Variants in TMPRSS7 observed in about 807,000 individuals in gnomAD.
TMPRSS7 encodes the protein transmembrane protease serine 7.
TMPRSS7 carries 81 observed loss-of-function variants against 95.6 expected under a neutral mutation model. The ratio of observed to expected loss-of-function variants is 0.85; its 90% CI spans 0.71 to 1.02. TMPRSS7 has a LOEUF of 1.02. Ranked by LOEUF, TMPRSS7 falls within the 50% of genes least tolerant of loss-of-function variation. TMPRSS7 has a pLI of 0.00. For missense variants in TMPRSS7, 945 were observed against 955.2 expected, an observed-to-expected ratio of 0.99 and a Z score of 0.14; for synonymous variants, 364 against 337.8, an observed-to-expected ratio of 1.08 and a Z score of -0.85.
chr3:112,036,013 C>T (rs757095192), intron 1 of TMPRSS7, among the ~76,000 whole-genome samples: 1 of 152,136 alleles, frequency 6.6e-6, no homozygotes, highest in African/African-American at 2.4e-5. Context: ...AACCCACAAC[C>T]CTACAACCGT....
In TMPRSS7 at chr3:112,038,206, G is replaced by A. The variant is rs990663700; in HGVS notation, c.183G>A (p.Lys61=). Residue 61 remains lysine, a synonymous_variant, in exon 2 of 18, where the codon AAG becomes AAA. Coordinates refer to ENST00000452346, the Ensembl canonical transcript of TMPRSS7. ...GACCCATTGGCAAAGCCAAACCCAAGAAGCAATCCAAGAAAAAAGTTCCCT... is the reference window on the plus strand; with the variant it reads ...GACCCATTGGCAAAGCCAAACCCAAAAAGCAATCCAAGAAAAAAGTTCCCT... 4.3e-6 allele frequency: 3 copies of A among 702,862 alleles called. No homozygotes were observed. The African/African-American group carries it at 5.2e-5, about 12-fold the overall frequency. 43.5% of individuals were successfully genotyped at this position (702,862 alleles called of 1,614,324 possible). A position where few individuals can be genotyped will look rare whatever the true frequency, so the allele number is the denominator to read the frequency against.
chr3:112,077,826 G>A (rs138712739), intron 16 of TMPRSS7, among the ~76,000 whole-genome samples: 1 of 152,292 alleles, frequency 6.6e-6, no homozygotes, highest in African/African-American at 2.4e-5. Context: ...GATTCAAGGT[G>A]GGATTCTGAA....
At chr3:112,061,034 C>T (rs999729374) in intron 10 of TMPRSS7, among the ~76,000 whole-genome samples, 5 of 152,150 alleles carry the variant, frequency 3.3e-5, no homozygotes, top group Admixed American at 2.0e-4. Context: ...TACCCCCAAG[C>T]CTTGTGTCTG....
At chr3:112,071,215 G>A (rs1390953319) in intron 13 of TMPRSS7, among the ~76,000 whole-genome samples, 3 of 152,164 alleles carry the variant, frequency 2.0e-5, no homozygotes, top group Non-Finnish European at 2.9e-5. Flanking sequence ...AGCTTAGTTT[G>A]GCTGGATATG....
intron 2 of TMPRSS7, 69 bp downstream of exon 2, chr3:112,038,390 C>G (rs2073171635): frequency 1.5e-6 from 1 of 649,502 alleles, no homozygotes; most frequent in Non-Finnish European, 2.8e-6. Context: ...GCAATGCAGC[C>G]CTAATCTGCC....
In TMPRSS7 at chr3:112,051,994, G is replaced by A. The variant is rs996904851; in HGVS notation, c.1203+1211G>A. Among the ~76,000 whole-genome samples, 10 of 152,138 alleles carry A rather than the reference G, an allele frequency of 6.6e-5. No individual in the cohort carries two copies. The East Asian group carries it at 7.7e-4, about 12-fold the overall frequency. ...ACGATTCCAGATACTGGGGATCCACGAAATCAGACACAAACACAGAGCAGC... is the reference window on the plus strand; with the variant it reads ...ACGATTCCAGATACTGGGGATCCACAAAATCAGACACAAACACAGAGCAGC... On this transcript the variant is annotated intron_variant, in intron 9 of 17. Transcript: ENST00000452346.
chr3:112,073,644 T>C (rs1044006774), intron 13 of TMPRSS7, among the ~76,000 whole-genome samples: 1 of 152,222 alleles, frequency 6.6e-6, no homozygotes, highest in Non-Finnish European at 1.5e-5. Context: ...GATTAGCCCT[T>C]TGTCAGATGT....
Position 112,047,658 on chromosome 3 carries a change from C to A in TMPRSS7, c.731-81C>A. ...TTCACATGACCTCTTTTGCCCTTTA[C>A]TTTTCTATAAAGATTTCTGTTTTTA... is the stretch of plus-strand genomic sequence containing the variant. On this transcript the variant is annotated intron_variant, in intron 6 of 17. Coordinates refer to ENST00000452346, the Ensembl canonical transcript of TMPRSS7. 3.5e-6 allele frequency: 4 copies of A among 1,150,784 alleles called. No individual in the cohort carries two copies. In the Admixed American group the frequency reaches 9.6e-5, roughly 28 times the overall value. 71.3% of individuals were successfully genotyped at this position (1,150,784 alleles called of 1,614,324 possible).
intron 7 of TMPRSS7, among the ~76,000 whole-genome samples, chr3:112,048,399 G>A (rs1296176077): frequency 6.6e-6 from 1 of 152,080 alleles, no homozygotes. Flanking sequence ...TAGGTTAGAG[G>A]AAACGGTATC....
chr3:112,052,373 T>G (rs891676827), intron 9 of TMPRSS7, among the ~76,000 whole-genome samples: 15 of 152,218 alleles, frequency 9.9e-5, no homozygotes, highest in Middle Eastern at 3.4e-3. Context: ...TATTTTTTTT[T>G]TGTGCATAGT....
intron 9 of TMPRSS7, among the ~76,000 whole-genome samples, chr3:112,051,515 ATATCTATC>A (rs10546401): frequency 0.37 from 53,917 of 145,374 alleles, 10,116 homozygotes; most frequent in Non-Finnish European, 0.4. Flanking sequence ...TGTATACGAA[ATATCTATC>A]TATCTATCTA....
exon 16 of TMPRSS7, chr3:112,077,002 T>C (rs753669019): frequency 6.2e-7 from 1 of 1,614,184 alleles, no homozygotes; most frequent in Non-Finnish European, 8.5e-7. Context: ...TTGATTATGA[T>C]ATTGCTTTGC....
At chr3:112,058,253 A>G (rs1255909932) in intron 10 of TMPRSS7, among the ~76,000 whole-genome samples, 1 of 152,224 alleles carries the variant, frequency 6.6e-6, no homozygotes, top group African/African-American at 2.4e-5. Context: ...TCATTGGAAT[A>G]GGCTTTATCA....
intron 17 of TMPRSS7, among the ~76,000 whole-genome samples, chr3:112,079,609 G>A (rs558281485): frequency 9.2e-5 from 14 of 152,190 alleles, no homozygotes; most frequent in African/African-American, 3.4e-4. Flanking sequence ...TCTTCTTCCA[G>A]TGTGGCTCAG....
chr3:112,065,181 C>T (rs1317745613), intron 12 of TMPRSS7, among the ~76,000 whole-genome samples: 1 of 152,066 alleles, frequency 6.6e-6, no homozygotes, highest in Non-Finnish European at 1.5e-5. Context: ...GCTGGGAATA[C>T]AGGCGCACAC....
At chr3:112,061,736 C>A in intron 10 of TMPRSS7, 51 bp from the exon 11 acceptor site, 2 of 1,539,720 alleles carry the variant, frequency 1.3e-6, no homozygotes, top group Non-Finnish European at 1.8e-6. Context: ...AATGGGAATT[C>A]AGTCGACAGA....
chr3:112,041,619 G>C (rs953661473), intron 2 of TMPRSS7, among the ~76,000 whole-genome samples: 2 of 152,154 alleles, frequency 1.3e-5, no homozygotes, highest in Admixed American at 6.5e-5. Flanking sequence ...GAGAAATTAT[G>C]ATAAAGCAGG....
intron 9 of TMPRSS7, among the ~76,000 whole-genome samples, chr3:112,051,587 ATC>A (rs2073352663): frequency 1.4e-5 from 2 of 148,078 alleles, no homozygotes; most frequent in African/African-American, 2.6e-5. Context: ...ATCTATATCT[ATC>A]TCTATTATCT....
chr3:112,054,786 G>T (rs903372879), intron 9 of TMPRSS7, among the ~76,000 whole-genome samples: 2 of 112,108 alleles, frequency 1.8e-5, no homozygotes, highest in Non-Finnish European at 3.3e-5. Context: ...TGTCGCCCAC[G>T]CTGGAGTGCA....
Sources: gnomAD v4.1 joint callset for allele counts (sites outside exome capture counted in the v4.1 genomes callset) on GRCh38, gnomAD v4.1.1 for gene constraint, MANE v1.5 for transcripts, NCBI Gene and HGNC (gene_info 2026-07-23, HGNC 2026-07-21) for gene names.